SLIT3: variants seen among roughly 807,000 people sequenced by gnomAD.
SLIT3 encodes the protein slit homolog 3 protein.
Under a neutral mutation model 184.0 loss-of-function variants are expected in SLIT3, and 68 were observed. The observed-to-expected ratio is 0.37, with a 90% CI of 0.30 to 0.45. The LOEUF (loss-of-function observed/expected upper bound fraction) is 0.45, where lower values mean the gene tolerates loss of function less well. Among genes scored for constraint, SLIT3 ranks in the 20% least tolerant of loss-of-function variants. The pLI, the probability that SLIT3 is intolerant of heterozygous loss-of-function variation, is 1.00. For synonymous variants in SLIT3, 831 were observed against 828.6 expected (o/e 1.00, Z -0.05); for missense variants, 1,707 against 2,026.0 (o/e 0.84, Z 3.02).
At chr5:168,775,771 A>G (rs535397204) in intron 12 of SLIT3, among the ~76,000 whole-genome samples, 1 of 152,174 alleles carries the variant, frequency 6.6e-6, no homozygotes, top group South Asian at 2.1e-4. Context: ...CTTCCTATCC[A>G]TGAGGAAGCT....
chr5:168,883,591 G>A (rs1043179241), intron 4 of SLIT3, among the ~76,000 whole-genome samples: 3 of 152,214 alleles, frequency 2.0e-5, no homozygotes, highest in Non-Finnish European at 2.9e-5. Flanking sequence ...GCACCTCCAG[G>A]CCACGAGCCA....
At chr5:169,124,311 T>C (rs1581433286) in intron 4 of SLIT3, among the ~76,000 whole-genome samples, 1 of 152,354 alleles carries the variant, frequency 6.6e-6, no homozygotes, top group Non-Finnish European at 1.5e-5. Context: ...TATGAACTTT[T>C]TGAAGTCCCC....
intron 4 of SLIT3, among the ~76,000 whole-genome samples, chr5:168,937,145 T>TAGGA (rs1762184536): frequency 6.6e-6 from 1 of 150,432 alleles, no homozygotes; most frequent in African/African-American, 2.4e-5. Context: ...AGCCTTGGAG[T>TAGGA]AGGAAGGAGT....
At chr5:168,779,306 A>G (rs982466245) in intron 12 of SLIT3, among the ~76,000 whole-genome samples, 1 of 152,210 alleles carries the variant, frequency 6.6e-6, no homozygotes, top group Non-Finnish European at 1.5e-5. Context: ...CCTGAGGCTG[A>G]TGGGAGGCGG....
chr5:169,119,152 T>C (rs1263209281), intron 4 of SLIT3, among the ~76,000 whole-genome samples: 2 of 152,228 alleles, frequency 1.3e-5, no homozygotes, highest in Non-Finnish European at 2.9e-5. Context: ...CTGATACATA[T>C]GGAAGTCAAA....
At chr5:168,876,402 GGAT>G (rs1319438316) in intron 5 of SLIT3, among the ~76,000 whole-genome samples, 1 of 152,016 alleles carries the variant, frequency 6.6e-6, no homozygotes, top group Admixed American at 6.6e-5. Flanking sequence ...ATTGCTCTAT[GGAT>G]CATGGGGTTC....
chr5:169,126,923 G>A (rs1761100380), intron 4 of SLIT3, among the ~76,000 whole-genome samples: 1 of 90,972 alleles, frequency 1.1e-5, no homozygotes, highest in Non-Finnish European at 2.9e-5. Context: ...GAGATCCACT[G>A]GGAGTCATCA....
intron 4 of SLIT3, among the ~76,000 whole-genome samples, chr5:168,883,680 AT>A (rs1760050460): frequency 6.8e-5 from 2 of 29,356 alleles, no homozygotes; most frequent in Admixed American, 2.6e-4. Flanking sequence ...CCTGCCCCCC[AT>A]CCCCCCAACC....
intron 21 of SLIT3, 66 bp from the exon 22 acceptor site, chr5:168,723,070 A>T: frequency 9.1e-7 from 1 of 1,099,026 alleles, no homozygotes; most frequent in Non-Finnish European, 1.4e-6. Flanking sequence ...GCCATTCCCA[A>T]GTATCACACA....
At chr5:168,979,560 C>G (rs939338558) in intron 4 of SLIT3, among the ~76,000 whole-genome samples, 5 of 152,214 alleles carry the variant, frequency 3.3e-5, no homozygotes, top group Non-Finnish European at 7.3e-5. Context: ...AAAGAAAGTT[C>G]TCTCCAAGAA....
At chr5:169,026,865 C>G (rs1202456851) in intron 4 of SLIT3, among the ~76,000 whole-genome samples, 2 of 152,000 alleles carry the variant, frequency 1.3e-5, no homozygotes, top group East Asian at 3.9e-4. Flanking sequence ...AGGATAGGGA[C>G]CAGGTCTCTA....
intron 4 of SLIT3, among the ~76,000 whole-genome samples, chr5:169,103,093 T>TA (rs1288666826): frequency 6.6e-6 from 1 of 152,242 alleles, no homozygotes; most frequent in African/African-American, 2.4e-5. Flanking sequence ...GTACATGCAT[T>TA]AACCCATTTA....
intron 3 of SLIT3, among the ~76,000 whole-genome samples, chr5:169,226,113 A>G (rs1020795559): frequency 2.0e-5 from 3 of 152,134 alleles, no homozygotes; most frequent in African/African-American, 7.2e-5. Context: ...AGTCTCTGCC[A>G]GCCCCTGGGT....
intron 4 of SLIT3, among the ~76,000 whole-genome samples, chr5:169,061,030 G>T (rs1428624843): frequency 6.6e-6 from 1 of 152,208 alleles, no homozygotes; most frequent in East Asian, 1.9e-4. Flanking sequence ...CTGCACCCCG[G>T]TTTCCTTATT....
At position 168,722,918 on chromosome 5, in the gene SLIT3, T is replaced by C; in HGVS notation, c.2411+15A>G. On this transcript the variant is annotated intron_variant, in intron 22 of 35. Transcript: ENST00000519560. ...GCCCAAGGGCATGGTAAACACAGCA[T>C]CTCAGTGTACTCACAGAGTGGAGAG... The C allele has an allele frequency of 6.3e-7, 1 of 1,589,352 alleles. No individual in the cohort carries two copies. The highest frequency in any genetic ancestry group is 8.6e-7 in the Non-Finnish European group (1 of 1,157,344).
At chr5:169,206,070 T>G (rs1027698086) in intron 3 of SLIT3, among the ~76,000 whole-genome samples, 3 of 152,186 alleles carry the variant, frequency 2.0e-5, no homozygotes, top group African/African-American at 7.2e-5. Flanking sequence ...AAAAGCAGAT[T>G]GCCCCCAAAA....
chr5:168,832,206 A>C (rs1328451660), intron 6 of SLIT3, among the ~76,000 whole-genome samples: 1 of 152,246 alleles, frequency 6.6e-6, no homozygotes, highest in Non-Finnish European at 1.5e-5. Context: ...CTTAGAAATC[A>C]GGCAATTGCC....
At chr5:168,931,610 G>A (rs557062378) in intron 4 of SLIT3, among the ~76,000 whole-genome samples, 7 of 152,298 alleles carry the variant, frequency 4.6e-5, no homozygotes, top group East Asian at 3.9e-4. Context: ...CTGAGTATAC[G>A]ATGAGGGGAT....
At chr5:169,227,569 A>G (rs1764856401) in intron 3 of SLIT3, among the ~76,000 whole-genome samples, 2 of 152,110 alleles carry the variant, frequency 1.3e-5, no homozygotes, top group Non-Finnish European at 2.9e-5. Context: ...CTGGGATTAC[A>G]GGCACGCACC....
Sources: gnomAD v4.1 joint callset for allele counts (sites outside exome capture counted in the v4.1 genomes callset) on GRCh38, gnomAD v4.1.1 for gene constraint, MANE v1.5 for transcripts, NCBI Gene and HGNC (gene_info 2026-07-23, HGNC 2026-07-21) for gene names.